Variants in CDH6 observed in about 807,000 individuals in gnomAD.
CDH6 encodes the protein cadherin-6.
Under a neutral mutation model 78.0 loss-of-function variants are expected in CDH6, and 31 were observed. The observed-to-expected ratio is 0.40, with a 90% confidence interval of 0.30 to 0.54. The LOEUF is 0.54. CDH6 is among the 20% of genes least tolerant of loss of function. The pLI is 0.56. For synonymous variants in CDH6, 376 were observed against 368.8 expected (o/e 1.02, Z -0.23); for missense variants, 724 against 975.9 (o/e 0.74, Z 3.44).
chr5:31,208,358 G>A (rs1251299284), intron 1 of CDH6, among the ~76,000 whole-genome samples: 4 of 152,246 alleles, frequency 2.6e-5, no homozygotes, highest in African/African-American at 7.2e-5. Context: ...CAAAGGCCAC[G>A]AGGGGTTTTA....
chr5:31,261,824 A>G (rs752228485), intron 1 of CDH6, among the ~76,000 whole-genome samples: 1 of 152,216 alleles, frequency 6.6e-6, no homozygotes, highest in African/African-American at 2.4e-5. Flanking sequence ...TAGTCTGCAA[A>G]TAGTGTAATA....
chr5:31,268,107 T>C (rs1742413534), intron 2 of CDH6, among the ~76,000 whole-genome samples: 1 of 152,192 alleles, frequency 6.6e-6, no homozygotes, highest in Non-Finnish European at 1.5e-5. Context: ...TGAGCTATAG[T>C]CCTTTGGCCA....
Position 31,247,517 on chromosome 5 carries a change from A to G in CDH6, c.-128-19829A>G, listed in dbSNP as rs185783015. 6.6e-5 allele frequency among the ~76,000 whole-genome samples: 10 copies of G among 152,298 alleles called. No homozygotes were observed. The East Asian group carries it at 1.9e-3, about 29-fold the overall frequency. On this transcript the variant is annotated intron_variant, in intron 1 of 11. Coordinates refer to ENST00000265071, the MANE Select transcript of CDH6 (RefSeq NM_004932.4). ...ATTGCCTTAGACAAGAAAACATCCA[A>G]GGATGCTGTGGCAGGTGTCTTGGTG...
At chr5:31,208,410 C>T (rs578260943) in intron 1 of CDH6, among the ~76,000 whole-genome samples, 5 of 152,254 alleles carry the variant, frequency 3.3e-5, no homozygotes, top group East Asian at 1.9e-4. Flanking sequence ...TTTTATATTA[C>T]GACAAACAAG....
At chr5:31,285,850 T>C (rs562011939) in intron 2 of CDH6, among the ~76,000 whole-genome samples, 1 of 152,330 alleles carries the variant, frequency 6.6e-6, no homozygotes, top group Admixed American at 6.5e-5. Context: ...GTGTTGAAGT[T>C]GAATTTGTTA....
At chr5:31,251,896 G>C (rs1423442878) in intron 1 of CDH6, 1 of 152,126 alleles carries the variant, frequency 6.6e-6, no homozygotes, top group East Asian at 1.9e-4. Flanking sequence ...ATTCCAAAAT[G>C]ACACTTCAGA....
Position 31,326,341 on chromosome 5 carries a change from A to G in CDH6, c.*3033A>G, listed in dbSNP as rs923878696. On this transcript the variant is annotated 3_prime_UTR_variant, in exon 12 of 12. Transcript: ENST00000265071. ...TTCCCTAGAATAAGCTGAATTTAAA[A>G]AAACATTAAGCCATTGTTTAAAGCC... 1 of 215,342 alleles carries G rather than the reference A, an allele frequency of 4.6e-6. No homozygotes were observed. 13.3% of individuals were successfully genotyped at this position (215,342 alleles called of 1,614,324 possible). A position where few individuals can be genotyped will look rare whatever the true frequency, so the allele number is the denominator to read the frequency against.
chr5:31,267,967 A>G (rs891410544), intron 2 of CDH6, among the ~76,000 whole-genome samples: 1 of 152,204 alleles, frequency 6.6e-6, no homozygotes, highest in Non-Finnish European at 1.5e-5. Context: ...AAATCCTTTA[A>G]TTTTTACTGT....
intron 1 of CDH6, among the ~76,000 whole-genome samples, chr5:31,215,878 A>T (rs970651494): frequency 6.6e-6 from 1 of 152,180 alleles, no homozygotes; most frequent in African/African-American, 2.4e-5. Flanking sequence ...TTGACGATGG[A>T]CAGCAAATTT....
At chr5:31,207,912 G>C (rs1033763437) in intron 1 of CDH6, among the ~76,000 whole-genome samples, 3 of 152,150 alleles carry the variant, frequency 2.0e-5, no homozygotes, top group African/African-American at 7.2e-5. Context: ...TGCCTGTTGG[G>C]GTGATCAAGC....
chr5:31,267,717 G>A lies in CDH6; in HGVS notation c.228+16G>A, dbSNP rs769845064. The A allele has an allele frequency of 4.4e-6, 7 of 1,585,022 alleles. No homozygotes were observed. The East Asian group carries it at 8.9e-5, about 20-fold the overall frequency. On this transcript the variant is annotated intron_variant, in intron 2 of 11. Coordinates refer to ENST00000265071, the MANE Select transcript of CDH6 (RefSeq NM_004932.4). ...TGTGGGCAAGGTAGGATTCCTTTGA[G>A]TGCTTTGACATTCTGGGTTTAAAGC...
chr5:31,307,766 CTT>C (rs558703735), intron 7 of CDH6, among the ~76,000 whole-genome samples: 2 of 151,926 alleles, frequency 1.3e-5, no homozygotes, highest in African/African-American at 4.8e-5. Context: ...GATAGATCAA[CTT>C]TTTTTTAATT....
intron 1 of CDH6, among the ~76,000 whole-genome samples, chr5:31,231,763 G>A (rs944288453): frequency 1.8e-4 from 28 of 152,242 alleles, no homozygotes; most frequent in African/African-American, 6.7e-4. Flanking sequence ...AAGGTCCCAC[G>A]TCTCAATAAT....
chr5:31,316,332 G>A lies in CDH6; in HGVS notation c.1512+3G>A, dbSNP rs752246349. 6.2e-7 allele frequency: 1 copy of A among 1,604,986 alleles called. No homozygotes were observed. Reference sequence around the variant, plus strand: ...GTGAAAAAGCAAAGGCAGATCAGGTGAGTTTCATTAAAAAGTATATTCAAG... The same window carrying A: ...GTGAAAAAGCAAAGGCAGATCAGGTAAGTTTCATTAAAAAGTATATTCAAG... On this transcript the variant is annotated splice_donor_region_variant and intron_variant, in intron 9 of 11. Coordinates refer to ENST00000265071, the MANE Select transcript of CDH6 (RefSeq NM_004932.4).
intron 1 of CDH6, among the ~76,000 whole-genome samples, chr5:31,255,766 T>C (rs1263177997): frequency 1.3e-5 from 2 of 152,226 alleles, no homozygotes; most frequent in Non-Finnish European, 2.9e-5. Context: ...ATTTATTACA[T>C]TAATTATTCT....
chr5:31,227,992 A>G (rs1016289248), intron 1 of CDH6, among the ~76,000 whole-genome samples: 2 of 152,230 alleles, frequency 1.3e-5, no homozygotes, highest in Non-Finnish European at 2.9e-5. Flanking sequence ...GCTAAAAATC[A>G]GCCTGTCGGT....
intron 1 of CDH6, among the ~76,000 whole-genome samples, chr5:31,222,470 T>C (rs1461370239): frequency 6.6e-6 from 1 of 152,186 alleles, no homozygotes; most frequent in East Asian, 1.9e-4. Flanking sequence ...GAAAGTTTTT[T>C]TAATTAAAAC....
chr5:31,250,290 T>G (rs1278123693), intron 1 of CDH6: 1 of 152,336 alleles, frequency 6.6e-6, no homozygotes, highest in African/African-American at 2.4e-5. Flanking sequence ...CCCCTAGCAG[T>G]GGGGTCACTT....
chr5:31,288,647 C>G (rs1319819362), intron 2 of CDH6, among the ~76,000 whole-genome samples: 2 of 152,230 alleles, frequency 1.3e-5, no homozygotes, highest in Non-Finnish European at 2.9e-5. Context: ...TTTAAAGTAA[C>G]ATTCCACCTA....
Sources: gnomAD v4.1 joint callset for allele counts (sites outside exome capture counted in the v4.1 genomes callset) on GRCh38, gnomAD v4.1.1 for gene constraint, MANE v1.5 for transcripts, NCBI Gene and HGNC (gene_info 2026-07-23, HGNC 2026-07-21) for gene names.